CYP24A1: variants seen among roughly 807,000 people sequenced by gnomAD.
CYP24A1 encodes cytochrome P450 family 24 subfamily A member 1, also known as 1,25-dihydroxyvitamin D(3) 24-hydroxylase, mitochondrial.
A neutral mutation model predicts 62.4 loss-of-function variants in CYP24A1; 68 were observed. The observed-to-expected ratio is 1.09, with a 90% CI of 0.90 to 1.33. CYP24A1 has a LOEUF of 1.33. Among genes scored for constraint, CYP24A1 ranks in the 40% most tolerant of loss-of-function variants. The pLI is 0.00. For missense variants in CYP24A1, 787 were observed against 653.0 expected (o/e 1.21, Z -2.24); for synonymous variants, 267 against 253.0 (o/e 1.06, Z -0.52).
chr20:54,152,762 G>A (rs1012791386), downstream of CYP24A1, among the ~76,000 whole-genome samples: 1 of 152,160 alleles, frequency 6.6e-6, no homozygotes, highest in African/African-American at 2.4e-5. Context: ...GTGGATTGCA[G>A]AATCGGATCT....
In CYP24A1 at chr20:54,157,233, G is replaced by C; in HGVS notation, c.1491C>G (p.His497Gln). The part of the protein sequence containing the change: ...ATDNEPVEML[H>Q]SGTLVPSREL... ...CCCGGCTGGGCACCAGGGTGCCTGA[G>C]TGTAGCATCTCAACAGGCTCATTGT... is the stretch of plus-strand genomic sequence containing the variant. Residue 497 changes from histidine (H) to glutamine (Q), a missense_variant, in exon 11 of 12, where the codon CAC becomes CAG. Coordinates refer to ENST00000216862, the MANE Select transcript of CYP24A1 (RefSeq NM_000782.5). The C allele has an allele frequency of 6.2e-7, 1 of 1,613,550 alleles. No homozygotes were observed. Among genetic ancestry groups the C allele is most frequent in the Non-Finnish European group, 8.5e-7 (1 of 1,179,494 alleles).
rs1570669 is a variant in CYP24A1 at position 54,157,888 on chromosome 20, A to G, written c.1236+198T>C. On this transcript the variant is annotated intron_variant, in intron 9 of 11. Transcript: ENST00000216862. ...TCACTCAAGACAACACAGATAAAAG[A>G]TGAAACTGAATGCAGGTCTCTGTCT... Among the ~76,000 whole-genome samples the G allele has an allele frequency of 0.42, 63,738 of 152,098 alleles. 14,391 individuals are homozygous for G. The highest frequency in any genetic ancestry group is 0.61 in the East Asian group (3,145 of 5,166).
Position 54,157,154 on chromosome 20 carries a change from C to T in CYP24A1, c.*10+15G>A, listed in dbSNP as rs374454942. On this transcript the variant is annotated intron_variant, in intron 11 of 11. Coordinates refer to ENST00000216862, the MANE Select transcript of CYP24A1 (RefSeq NM_000782.5). ...CACTACCTTGCAGAGGATAATGAAC[C>T]GCCTAGATGCTCACCTGAGGCGTAT... 1.4e-5 allele frequency: 17 copies of T among 1,241,526 alleles called. No individual in the cohort carries two copies. Among genetic ancestry groups the T allele is most frequent in the African/African-American group, 4.5e-5 (3 of 67,324 alleles). The allele number at this position is 1,241,526 out of a possible 1,614,324, so 76.9% of individuals were successfully genotyped here. A position where few individuals can be genotyped will look rare whatever the true frequency, so the allele number is the denominator to read the frequency against.
chr20:54,151,825 TACTA>T (rs1413223325), downstream of CYP24A1, among the ~76,000 whole-genome samples: 7 of 152,156 alleles, frequency 4.6e-5, no homozygotes, highest in African/African-American at 1.7e-4. Flanking sequence ...CTTCCCTACA[TACTA>T]ACTGTGATTC....
intron 11 of CYP24A1, chr20:54,155,052 C>G (rs575218309): frequency 7.1e-6 from 1 of 141,364 alleles, no homozygotes; most frequent in African/African-American, 2.6e-5. Context: ...AGAAAAAATG[C>G]TAAAACTTAA....
At chr20:54,153,038 C>T (rs1258987411), downstream of CYP24A1, among the ~76,000 whole-genome samples, 1 of 152,120 alleles carries the variant, frequency 6.6e-6, no homozygotes, top group East Asian at 1.9e-4. Context: ...AGTATTCAAA[C>T]AGTGAATGTG....
chr20:54,151,094 A>G (rs2092611748), downstream of CYP24A1, among the ~76,000 whole-genome samples: 1 of 144,870 alleles, frequency 6.9e-6, no homozygotes, highest in Non-Finnish European at 1.5e-5. Flanking sequence ...CCACAGGAAG[A>G]ACAGTAGCAT....
chr20:54,143,982 C>A, the CYP24A1 span, among the ~76,000 whole-genome samples: 28,918 of 152,014 alleles, frequency 0.19, 3,174 homozygotes, highest in East Asian at 0.3. Flanking sequence ...AAATTACTTA[C>A]ACTGACACAG....
intron 7 of CYP24A1, among the ~76,000 whole-genome samples, chr20:54,160,344 G>A (rs1338837812): frequency 6.6e-6 from 1 of 152,220 alleles, no homozygotes; most frequent in South Asian, 2.1e-4. Context: ...TTCACCACTA[G>A]TAGTCATATG....
chr20:54,172,794 C>T (rs2092698342), intron 2 of CYP24A1, 115 bp downstream of exon 2: 2 of 1,571,814 alleles, frequency 1.3e-6, no homozygotes, highest in South Asian at 1.1e-5. Flanking sequence ...GGTATCCGCC[C>T]TACGTAAGAA....
Position 54,173,509 on chromosome 20 carries a change from G to T in CYP24A1, c.71C>A (p.Pro24His). 1 of 1,567,922 alleles carries T rather than the reference G, an allele frequency of 6.4e-7. No individual in the cohort carries two copies. The change falls in exon 1 of 12, where the codon CCC (proline) becomes CAC (histidine). Residue 24 changes from proline to histidine, a missense_variant. Physicochemically the swap from Pro to His is moderately conservative, Grantham distance 77. Coordinates refer to ENST00000216862, the MANE Select transcript of CYP24A1 (RefSeq NM_000782.5). The surrounding 1 kb of genome is among the most constrained non-coding windows in gnomAD (Gnocchi z 7.2). ...CGCCGTAGATGTCACCAGTCTCGGG[G>T]GCTGCCTCGGACTGCGCAGCTGCTG... is the stretch of plus-strand genomic sequence containing the variant. ...FLQQLRSPRQPPRLVTSTAYT... is the reference protein window; with the variant it reads ...FLQQLRSPRQHPRLVTSTAYT...
intron 4 of CYP24A1, among the ~76,000 whole-genome samples, chr20:54,168,315 G>A (rs1328922340): frequency 4.6e-5 from 7 of 152,150 alleles, no homozygotes; most frequent in African/African-American, 1.4e-4. Context: ...TGAAGAAAGC[G>A]GTCATGTCCT....
chr20:54,147,730 T>G, the CYP24A1 span, among the ~76,000 whole-genome samples: 2 of 152,372 alleles, frequency 1.3e-5, no homozygotes, highest in South Asian at 4.1e-4. Context: ...TATTTCTGTT[T>G]CATAAATGAG....
chr20:54,173,429 C>G lies in CYP24A1; in HGVS notation c.151G>C (p.Glu51Gln), dbSNP rs1267305792. 1.3e-6 allele frequency: 2 copies of G among 1,571,340 alleles called. No homozygotes were observed. The highest frequency in any genetic ancestry group is 1.2e-5 in the South Asian group (1 of 85,976). Reference protein sequence around the residue: ...VPVCPLTAGGETQNAAALPGP... With the variant: ...VPVCPLTAGGQTQNAAALPGP... ...GGCAGGGCGGCCGCGTTCTGAGTCT[C>G]GCCACCAGCTGTCAGCGGGCAGACT... Residue 51 changes from glutamate to glutamine, a missense_variant, in exon 1 of 12, where the codon GAG becomes CAG. Coordinates refer to ENST00000216862, the MANE Select transcript of CYP24A1 (RefSeq NM_000782.5). This position sits in a 1 kb window ranked among gnomAD's most constrained non-coding sequence, Gnocchi z 7.2.
At chr20:54,166,494 A>G in intron 4 of CYP24A1, among the ~76,000 whole-genome samples, 1 of 152,224 alleles carries the variant, frequency 6.6e-6, no homozygotes, top group East Asian at 1.9e-4. Context: ...GTATGTATGC[A>G]TACAAGTGTA....
At chr20:54,144,816 C>T in the CYP24A1 span, among the ~76,000 whole-genome samples, 3 of 151,748 alleles carry the variant, frequency 2.0e-5, no homozygotes, top group Non-Finnish European at 4.4e-5. Context: ...TACTGATAAT[C>T]TAAAAACTTT....
chr20:54,147,815 C>G, the CYP24A1 span, among the ~76,000 whole-genome samples: 50 of 152,286 alleles, frequency 3.3e-4, no homozygotes, highest in Non-Finnish European at 6.2e-4. Context: ...TAAACCCAAT[C>G]TATCTGCTTC....
chr20:54,173,171 C>A lies in CYP24A1; in HGVS notation c.259-72G>T, dbSNP rs533685368. The A allele has an allele frequency of 1.9e-6, 3 of 1,562,086 alleles. No homozygotes were observed. Among genetic ancestry groups the A allele is most frequent in the South Asian group, 2.2e-5 (2 of 89,700 alleles). ...GTGCCCGAAGCGCTTTCCCTCCTCC[C>A]GCCTCCTTCCTCCTAGGGGACCGGG... On this transcript the variant is annotated intron_variant, in intron 1 of 11. Coordinates refer to ENST00000216862, the MANE Select transcript of CYP24A1 (RefSeq NM_000782.5). This position sits in a 1 kb window ranked among gnomAD's most constrained non-coding sequence, Gnocchi z 7.2.
downstream of CYP24A1, among the ~76,000 whole-genome samples, chr20:54,151,881 G>A (rs1442583030): frequency 7.2e-6 from 1 of 138,930 alleles, no homozygotes; most frequent in African/African-American, 2.9e-5. Flanking sequence ...GTTTCCCCAG[G>A]TGTGAAATGG....
Sources: gnomAD v4.1 joint callset for allele counts (sites outside exome capture counted in the v4.1 genomes callset) on GRCh38, gnomAD v4.1.1 for gene constraint, Gnocchi (gnomAD v3.1) non-coding constraint, MANE v1.5 for transcripts, NCBI Gene and HGNC (gene_info 2026-07-23, HGNC 2026-07-21) for gene names.